Variants in STX2 observed in about 807,000 individuals in gnomAD.
STX2 encodes syntaxin-2.
STX2 carries 27 observed loss-of-function variants against 40.6 expected under a neutral mutation model. The ratio of observed to expected loss-of-function variants is 0.66; its 90% CI spans 0.49 to 0.92. The LOEUF is 0.92. STX2 is among the 40% of genes least tolerant of loss of function. The probability of loss-of-function intolerance (pLI) is 0.00; values close to 1 mark genes in which losing one functional copy is unlikely to be tolerated. For synonymous variants in STX2, 123 were observed against 119.1 expected, an observed-to-expected ratio of 1.03 and a Z score of -0.22; for missense variants, 328 against 366.1, an observed-to-expected ratio of 0.90 and a Z score of 0.85.
chr12:130,821,788 C>T lies in STX2; in HGVS notation c.106G>A (p.Val36Met), dbSNP rs1363361458. The T allele has an allele frequency of 6.3e-7, 1 of 1,579,442 alleles. No individual in the cohort carries two copies. The highest frequency in any genetic ancestry group is 1.3e-5 in the African/African-American group (1 of 74,462). The part of the protein sequence containing the change: ...DHFMDDFFHQ[V>M]EEIRNSIDKI... Reference sequence around the variant, plus strand: ...TCAATACTGTTTCTAATCTCCTCCACCTAGGAGAGAGAGAGAGTCATTACA... The same window carrying T: ...TCAATACTGTTTCTAATCTCCTCCATCTAGGAGAGAGAGAGAGTCATTACA... Residue 36 changes from valine (V) to methionine (M), a missense_variant and splice_region_variant, in exon 3 of 11, where the codon GTG (valine) becomes ATG (methionine). By Grantham distance (21) the Val-to-Met change is conservative. Coordinates refer to ENST00000392373, the MANE Select transcript of STX2 (RefSeq NM_194356.4).
intron 1 of STX2, among the ~76,000 whole-genome samples, chr12:130,832,007 A>G (rs1364452729): frequency 6.6e-6 from 1 of 151,724 alleles, no homozygotes; most frequent in Admixed American, 6.6e-5. Context: ...AGTAACTGGG[A>G]CTACAGGCAC....
chr12:130,795,593 A>G (rs1431857244), intron 10 of STX2, among the ~76,000 whole-genome samples: 1 of 152,152 alleles, frequency 6.6e-6, no homozygotes, highest in Admixed American at 6.5e-5. Context: ...TTTAAAAATT[A>G]GCCGAGTGTG....
At chr12:130,829,126 G>A (rs545898284) in intron 1 of STX2, among the ~76,000 whole-genome samples, 10 of 152,234 alleles carry the variant, frequency 6.6e-5, no homozygotes, top group East Asian at 3.9e-4. Context: ...TGCTGGCATC[G>A]CTATTTCAGA....
Position 130,791,987 on chromosome 12 carries a change from A to T in STX2, c.*46-10T>A, listed in dbSNP as rs1950890153. 1 of 1,566,918 alleles carries T rather than the reference A, an allele frequency of 6.4e-7. No homozygotes were observed. The highest frequency in any genetic ancestry group is 1.4e-5 in the African/African-American group (1 of 73,828). ...TAATGAACATCAATTTCTGCAAGAT[A>T]AAGAAAAACATTAATTTGCAATGTA... On this transcript the variant is annotated splice_polypyrimidine_tract_variant and intron_variant, in intron 10 of 10. Transcript: ENST00000392373.
chr12:130,798,546 T>C lies in STX2; in HGVS notation c.765A>G (p.Lys255=). The C allele has an allele frequency of 1.2e-6, 2 of 1,603,830 alleles. No individual in the cohort carries two copies. The highest frequency in any genetic ancestry group is 1.7e-6 in the Non-Finnish European group (2 of 1,177,370). ...HAKEETKKAI[K]YQSKARRKKW... is the part of the protein sequence containing the mutation. The stretch of plus-strand genomic sequence containing the variant: ...TCACCCTTCTTGCCTTGCTCTGATA[T>C]TTGATAGCTTTTTTTGTTTCTTCTT... The change falls in exon 9 of 11, where the codon AAA becomes AAG. Residue 255 remains lysine (K), a synonymous_variant. Coordinates refer to ENST00000392373, the MANE Select transcript of STX2 (RefSeq NM_194356.4).
chr12:130,797,950 G>T (rs1951082318), intron 9 of STX2, among the ~76,000 whole-genome samples: 1 of 152,180 alleles, frequency 6.6e-6, no homozygotes, highest in African/African-American at 2.4e-5. Flanking sequence ...CATCAAATGT[G>T]TAGCCAACAA....
At chr12:130,811,471 T>A in intron 4 of STX2, among the ~76,000 whole-genome samples, 1 of 151,082 alleles carries the variant, frequency 6.6e-6, no homozygotes, top group Non-Finnish European at 1.5e-5. Flanking sequence ...GAATGTTATA[T>A]CTTATTTAAA....
At chr12:130,824,737 A>G (rs1383093202) in intron 2 of STX2, among the ~76,000 whole-genome samples, 1 of 152,210 alleles carries the variant, frequency 6.6e-6, no homozygotes, top group Non-Finnish European at 1.5e-5. Flanking sequence ...TTTCTCTTGC[A>G]AACTTCTATG....
At chr12:130,805,625 G>A (rs1410523806) in intron 6 of STX2, among the ~76,000 whole-genome samples, 1 of 152,188 alleles carries the variant, frequency 6.6e-6, no homozygotes, top group Non-Finnish European at 1.5e-5. Context: ...CAGGTGCTCA[G>A]AAGGGTCTTA....
chr12:130,811,747 G>T (rs1033217883), intron 4 of STX2, among the ~76,000 whole-genome samples: 11 of 152,016 alleles, frequency 7.2e-5, no homozygotes, highest in African/African-American at 2.7e-4. Context: ...CACCGTGTTA[G>T]CCAGGATAAG....
intron 8 of STX2, among the ~76,000 whole-genome samples, chr12:130,800,299 A>ATT (rs749716699): frequency 2.9e-4 from 41 of 143,636 alleles, no homozygotes; most frequent in African/African-American, 9.6e-4. Flanking sequence ...ATATGTGTGT[A>ATT]TTTTTTTTTT....
chr12:130,798,640 A>G lies in STX2; in HGVS notation c.676-5T>C. The G allele has an allele frequency of 6.3e-7, 1 of 1,579,010 alleles. No individual in the cohort carries two copies. Among genetic ancestry groups the G allele is most frequent in the East Asian group, 2.3e-5 (1 of 42,986 alleles). ...TATGTTGTTGATCATTTCACCCTTA[A>G]AACAAAAAGTTTCAAACTTAGAAGA... is the stretch of plus-strand genomic sequence containing the variant. On this transcript the variant is annotated splice_polypyrimidine_tract_variant and splice_region_variant and intron_variant, in intron 8 of 10. Coordinates refer to ENST00000392373, the MANE Select transcript of STX2 (RefSeq NM_194356.4).
chr12:130,819,813 C>T (rs527335329), intron 3 of STX2, among the ~76,000 whole-genome samples: 115 of 152,218 alleles, frequency 7.6e-4, no homozygotes, highest in Non-Finnish European at 1.2e-3. Context: ...CTGCAACTTC[C>T]CAAGAGGGGC....
rs371282135 is a variant in STX2, at chr12:130,818,382, G to C, written c.205+3307C>G. On this transcript the variant is annotated intron_variant, in intron 3 of 10. Coordinates refer to ENST00000392373, the MANE Select transcript of STX2 (RefSeq NM_194356.4). ...ACACAGGGAGACTCCTCTGGAGGGT[G>C]GGGGGGAGAGGGCGGGGGAGGAAGA... 3.6e-3 allele frequency among the ~76,000 whole-genome samples: 532 copies of C among 148,946 alleles called. 3 individuals are homozygous for C. The highest frequency in any genetic ancestry group is 0.013 in the African/African-American group (508 of 39,266).
At chr12:130,798,929 C>G (rs1437930384) in intron 8 of STX2, among the ~76,000 whole-genome samples, 1 of 152,214 alleles carries the variant, frequency 6.6e-6, no homozygotes, top group Non-Finnish European at 1.5e-5. Context: ...CAGACACTTT[C>G]GACAGATGGG....
chr12:130,821,649 C>T, intron 3 of STX2, 40 bp downstream of exon 3: 6 of 1,531,942 alleles, frequency 3.9e-6, no homozygotes, highest in East Asian at 2.3e-5. Flanking sequence ...GAGGGACACA[C>T]AGACAGACAA....
chr12:130,828,692 C>A (rs1194827386), intron 1 of STX2, among the ~76,000 whole-genome samples: 1 of 151,030 alleles, frequency 6.6e-6, no homozygotes, highest in Non-Finnish European at 1.5e-5. Context: ...CGGTGAAACC[C>A]TGTCTCTACT....
chr12:130,833,933 A>G (rs1388174482), intron 1 of STX2, among the ~76,000 whole-genome samples: 1 of 152,222 alleles, frequency 6.6e-6, no homozygotes, highest in Non-Finnish European at 1.5e-5. Flanking sequence ...GACAGTATGC[A>G]TCTGTCCTGA....
rs1279731915 is a variant in STX2 at position 130,790,520 on chromosome 12, ATTC to A, written c.*1500_*1502del. On this transcript the variant is annotated 3_prime_UTR_variant, in exon 11 of 11. Transcript: ENST00000392373. ...TTTTACAAGTCTAAAAATAAGTGAT[ATTC>A]TTCTACTAAAAAAATGAGCAATAAA... is the stretch of plus-strand genomic sequence containing the variant. 2.0e-5 allele frequency: 3 copies of A among 152,368 alleles called. No homozygotes were observed. The East Asian group carries it at 5.8e-4, about 29-fold the overall frequency. 9.4% of individuals were successfully genotyped at this position (152,368 alleles called of 1,614,324 possible).
Sources: gnomAD v4.1 joint callset for allele counts (sites outside exome capture counted in the v4.1 genomes callset) on GRCh38, gnomAD v4.1.1 for gene constraint, MANE v1.5 for transcripts, NCBI Gene and HGNC (gene_info 2026-07-23, HGNC 2026-07-21) for gene names.